Variants in ROR1 observed in about 807,000 individuals in gnomAD.
The protein encoded by ROR1 is inactive tyrosine-protein kinase transmembrane receptor ROR1.
Under a neutral mutation model 78.8 loss-of-function variants are expected in ROR1, and 19 were observed. The ratio of observed to expected loss-of-function variants is 0.24; its 90% confidence interval spans 0.17 to 0.35. The LOEUF (loss-of-function observed/expected upper bound fraction) is 0.35, where lower values mean the gene tolerates loss of function less well. ROR1 is among the 10% of genes least tolerant of loss of function. The pLI is 1.00. For missense variants in ROR1, 917 were observed against 1,177.8 expected, an observed-to-expected ratio of 0.78 and a Z score of 3.24; for synonymous variants, 386 against 433.6, an observed-to-expected ratio of 0.89 and a Z score of 1.36.
intron 1 of ROR1, among the ~76,000 whole-genome samples, chr1:63,787,277 C>A (rs939167230): frequency 2.6e-5 from 4 of 152,192 alleles, no homozygotes; most frequent in Non-Finnish European, 5.9e-5. Context: ...CTCACATAGG[C>A]CGTCTAAATC....
At chr1:63,998,264 G>T (rs746737715) in intron 1 of ROR1, among the ~76,000 whole-genome samples, 2 of 151,360 alleles carry the variant, frequency 1.3e-5, no homozygotes. Context: ...AAATTGTAAA[G>T]TAGAAAATTA....
rs1247863303 is a variant in ROR1 at position 64,179,082 on chromosome 1, T to C, written c.*227T>C. Reference sequence around the variant, plus strand: ...AAAACATTGTGGGATGTGCACTCCATTGGAGTGCATGACATGGCATTGGGA... The same window carrying C: ...AAAACATTGTGGGATGTGCACTCCACTGGAGTGCATGACATGGCATTGGGA... On this transcript the variant is annotated 3_prime_UTR_variant, in exon 9 of 9. Coordinates refer to ENST00000371079, the MANE Select transcript of ROR1 (RefSeq NM_005012.4). 9 of 451,690 alleles carry C rather than the reference T, an allele frequency of 2.0e-5. No individual in the cohort carries two copies. The highest frequency in any genetic ancestry group is 8.2e-5 in the Admixed American group (2 of 24,526). 28.0% of individuals were successfully genotyped at this position (451,690 alleles called of 1,614,324 possible).
chr1:63,828,072 AG>A (rs1644966186), intron 1 of ROR1, among the ~76,000 whole-genome samples: 1 of 152,200 alleles, frequency 6.6e-6, no homozygotes, highest in African/African-American at 2.4e-5. Context: ...CCACCCCAAA[AG>A]GTAACAGCAT....
At chr1:64,132,849 C>T (rs1374953476) in intron 4 of ROR1, among the ~76,000 whole-genome samples, 1 of 150,476 alleles carries the variant, frequency 6.6e-6, no homozygotes, top group Non-Finnish European at 1.5e-5. Context: ...CCAAATTTGT[C>T]AGTACCGATC....
chr1:64,142,929 A>T, intron 7 of ROR1: 1 of 1,239,590 alleles, frequency 8.1e-7, no homozygotes, highest in Non-Finnish European at 1.0e-6. Flanking sequence ...GAGACAGTTT[A>T]TCACATTGAT....
At chr1:63,968,663 C>T (rs557548184) in intron 1 of ROR1, among the ~76,000 whole-genome samples, 10 of 152,264 alleles carry the variant, frequency 6.6e-5, no homozygotes, top group Admixed American at 1.3e-4. Flanking sequence ...TTATTGTATA[C>T]ACCCACTAGT....
At chr1:64,100,904 G>A (rs1171949606) in intron 4 of ROR1, among the ~76,000 whole-genome samples, 1 of 152,176 alleles carries the variant, frequency 6.6e-6, no homozygotes, top group Non-Finnish European at 1.5e-5. Flanking sequence ...TCATAAGATT[G>A]CTGCATCTCA....
intron 1 of ROR1, among the ~76,000 whole-genome samples, chr1:63,812,627 T>C (rs372754238): frequency 2.6e-5 from 4 of 152,348 alleles, no homozygotes; most frequent in Admixed American, 6.5e-5. Context: ...ATTTTCCCTT[T>C]AAATAAAATA....
At chr1:63,819,426 T>C (rs1557512057) in intron 1 of ROR1, among the ~76,000 whole-genome samples, 2 of 152,224 alleles carry the variant, frequency 1.3e-5, no homozygotes. Flanking sequence ...TGCTTGAACC[T>C]GCTTCCTTGT....
intron 1 of ROR1, among the ~76,000 whole-genome samples, chr1:63,914,568 T>G (rs953573002): frequency 6.6e-6 from 1 of 152,190 alleles, no homozygotes; most frequent in African/African-American, 2.4e-5. Context: ...AAGAAGACAG[T>G]TCAAATCCCT....
Position 64,137,249 on chromosome 1 carries a change from T to G in ROR1, c.483-120T>G, listed in dbSNP as rs559158607. The G allele has an allele frequency of 6.0e-6, 6 of 1,003,752 alleles. No individual in the cohort carries two copies. The African/African-American group carries it at 8.1e-5, about 14-fold the overall frequency. The allele number at this position is 1,003,752 out of a possible 1,614,324, so 62.2% of individuals were successfully genotyped here. ...AAAGCCCAATTCCTTAGCCCAGTCTTTTGTATATTGTGCCCAACTGTGCCC... is the reference window on the plus strand; with the variant it reads ...AAAGCCCAATTCCTTAGCCCAGTCTGTTGTATATTGTGCCCAACTGTGCCC... On this transcript the variant is annotated intron_variant, in intron 4 of 8. Transcript: ENST00000371079.
intron 8 of ROR1, among the ~76,000 whole-genome samples, chr1:64,173,279 A>G (rs1430681068): frequency 6.6e-6 from 1 of 152,206 alleles, no homozygotes; most frequent in Non-Finnish European, 1.5e-5. Context: ...GCTCTAGTAA[A>G]TGACTCCTTG....
intron 1 of ROR1, among the ~76,000 whole-genome samples, chr1:63,987,190 T>G (rs1272212926): frequency 6.6e-6 from 1 of 152,192 alleles, no homozygotes; most frequent in East Asian, 1.9e-4. Flanking sequence ...AATGGGCTAA[T>G]AGATGACTCA....
At chr1:63,943,513 A>G (rs1645858037) in intron 1 of ROR1, among the ~76,000 whole-genome samples, 1 of 152,186 alleles carries the variant, frequency 6.6e-6, no homozygotes, top group South Asian at 2.1e-4. Context: ...GTGGTCTCCA[A>G]GTCCTTCCTG....
In ROR1 at chr1:63,894,584, C is replaced by A. The variant is rs1645424839; in HGVS notation, c.92-114721C>A. On this transcript the variant is annotated intron_variant, in intron 1 of 8. Transcript: ENST00000371079. ...TATACTGATCATGTTCAGGATGGGG[C>A]TCCTGTAGCACAGGGGAGGTTTTTG... is the stretch of plus-strand genomic sequence containing the variant. Among the ~76,000 whole-genome samples the A allele has an allele frequency of 1.3e-5, 2 of 152,046 alleles. 1 individual carries two copies. Among genetic ancestry groups the A allele is most frequent in the South Asian group, 4.1e-4 (2 of 4,820 alleles).
chr1:63,933,047 T>C (rs1242208994), intron 1 of ROR1, among the ~76,000 whole-genome samples: 1 of 152,166 alleles, frequency 6.6e-6, no homozygotes, highest in Non-Finnish European at 1.5e-5. Context: ...CCCAGGGATC[T>C]TGCCAGCCTT....
chr1:64,041,081 G>C (rs1264390566), intron 2 of ROR1, among the ~76,000 whole-genome samples: 1 of 152,176 alleles, frequency 6.6e-6, no homozygotes, highest in Non-Finnish European at 1.5e-5. Flanking sequence ...GTAGGGACAG[G>C]AGAAGAGTGT....
At chr1:64,092,151 T>G (rs1647204313) in intron 4 of ROR1, among the ~76,000 whole-genome samples, 1 of 122,160 alleles carries the variant, frequency 8.2e-6, no homozygotes. Flanking sequence ...CTACCTCCCT[T>G]CCTCCCTTCT....
intron 7 of ROR1, chr1:64,143,352 C>G (rs4915946): frequency 0.19 from 180,355 of 944,830 alleles, 18,817 homozygotes; most frequent in East Asian, 0.51. Context: ...GAGACTCCAT[C>G]TCTACCAAAA....
Sources: gnomAD v4.1 joint callset for allele counts (sites outside exome capture counted in the v4.1 genomes callset) on GRCh38, gnomAD v4.1.1 for gene constraint, MANE v1.5 for transcripts, NCBI Gene and HGNC (gene_info 2026-07-23, HGNC 2026-07-21) for gene names.